PRKG1: variants seen among roughly 807,000 people sequenced by gnomAD.
The protein encoded by PRKG1 is protein kinase cGMP-dependent 1, also known as cGMP-dependent protein kinase 1.
A neutral mutation model predicts 88.1 loss-of-function variants in PRKG1; 35 were observed. The ratio of observed to expected loss-of-function variants is 0.40; its 90% CI spans 0.30 to 0.53. The LOEUF is 0.53. Ranked by LOEUF, PRKG1 falls within the 20% of genes least tolerant of loss-of-function variation. The pLI is 0.59. For missense variants in PRKG1, 540 were observed against 839.8 expected (o/e 0.64, Z 4.41); for synonymous variants, 303 against 292.5 (o/e 1.04, Z -0.37).
intron 9 of PRKG1, 39 bp from the exon 10 acceptor site, chr10:52,251,531 C>G: frequency 6.5e-7 from 1 of 1,535,366 alleles, no homozygotes; most frequent in Non-Finnish European, 9.0e-7. Flanking sequence ...GTGTTTGCAC[C>G]TCTAAGAAAT....
At chr10:51,970,050 A>ATG (rs1843671248) in intron 5 of PRKG1, among the ~76,000 whole-genome samples, 2 of 133,470 alleles carry the variant, frequency 1.5e-5, no homozygotes, top group South Asian at 4.6e-4. Context: ...ACACACACAC[A>ATG]CCCATATTTA....
At chr10:51,019,331 G>A (rs537890799) in intron 1 of PRKG1, among the ~76,000 whole-genome samples, 18 of 152,202 alleles carry the variant, frequency 1.2e-4, no homozygotes, top group South Asian at 4.2e-4. Flanking sequence ...TAGGGAGGCC[G>A]GAAATAAATA....
intron 2 of PRKG1, among the ~76,000 whole-genome samples, chr10:51,202,307 G>T (rs1837932232): frequency 6.6e-6 from 1 of 152,162 alleles, no homozygotes; most frequent in Admixed American, 6.5e-5. Context: ...AAAATGTCTA[G>T]GTGCAGTCTA....
intron 10 of PRKG1, among the ~76,000 whole-genome samples, chr10:52,257,849 A>G (rs910011835): frequency 7.2e-6 from 1 of 139,514 alleles, no homozygotes; most frequent in African/African-American, 2.5e-5. Context: ...AATAAACACT[A>G]ATTGAGCATC....
chr10:51,973,101 G>A (rs1483225395), intron 5 of PRKG1, among the ~76,000 whole-genome samples: 5 of 152,184 alleles, frequency 3.3e-5, no homozygotes, highest in African/African-American at 9.6e-5. Context: ...CCAGTCTCTA[G>A]TGACAAGCTT....
intron 2 of PRKG1, among the ~76,000 whole-genome samples, chr10:51,445,398 A>G (rs1395848300): frequency 6.8e-6 from 1 of 147,972 alleles, no homozygotes; most frequent in Non-Finnish European, 1.5e-5. Context: ...TATGTTAATA[A>G]AAGTTAGCCT....
At chr10:52,231,281 G>A (rs1441126556) in intron 9 of PRKG1, 1 of 152,116 alleles carries the variant, frequency 6.6e-6, no homozygotes, top group East Asian at 1.9e-4. Context: ...GGTGCCTGTG[G>A]TCCCAGCTAC....
rs536188324 is a variant in PRKG1, at chr10:51,986,020, G to A, written c.763-68464G>A. On this transcript the variant is annotated intron_variant, in intron 5 of 17. Transcript: ENST00000373980. Reference sequence around the variant, plus strand: ...ATTTGGCAACACAATACACTATAGGGTATTTGTCATTTACCGGTGACAGCA... The same window carrying A: ...ATTTGGCAACACAATACACTATAGGATATTTGTCATTTACCGGTGACAGCA... Among the ~76,000 whole-genome samples the A allele has an allele frequency of 8.6e-4, 131 of 152,210 alleles. 3 individuals carry two copies. The highest frequency in any genetic ancestry group is 2.6e-3 in the Admixed American group (40 of 15,298).
intron 3 of PRKG1, among the ~76,000 whole-genome samples, chr10:51,714,733 AG>A (rs1841845265): frequency 6.6e-6 from 1 of 152,196 alleles, no homozygotes; most frequent in Non-Finnish European, 1.5e-5. Flanking sequence ...CACTTGGAGC[AG>A]TAGTTTTGAA....
chr10:52,297,240 A>G lies in PRKG1; in HGVS notation c.*3340A>G, dbSNP rs1842403129. The G allele has an allele frequency of 1.3e-5, 2 of 152,138 alleles. No homozygotes were observed. Among genetic ancestry groups the G allele is most frequent in the Admixed American group, 1.3e-4 (2 of 15,250 alleles). 9.4% of individuals were successfully genotyped at this position (152,138 alleles called of 1,614,324 possible). ...GTATTGAATAATGTTTTTAGGTCCA[A>G]GTAGACTTGAATTAATGTCATAATT... On this transcript the variant is annotated 3_prime_UTR_variant, in exon 18 of 18. Coordinates refer to ENST00000373980, the MANE Select transcript of PRKG1 (RefSeq NM_006258.4).
intron 3 of PRKG1, among the ~76,000 whole-genome samples, chr10:51,639,014 C>T (rs1015571971): frequency 3.3e-5 from 5 of 152,000 alleles, no homozygotes; most frequent in Non-Finnish European, 7.4e-5. Flanking sequence ...TGTGGATTGA[C>T]CTTAAACACT....
chr10:51,699,574 T>G (rs767657145), intron 3 of PRKG1: 1 of 1,586,552 alleles, frequency 6.3e-7, no homozygotes, highest in East Asian at 2.2e-5. Context: ...AGACAGCCGA[T>G]AGCGGATTCT....
chr10:51,750,897 A>AT (rs1299659338), intron 3 of PRKG1, among the ~76,000 whole-genome samples: 1 of 152,038 alleles, frequency 6.6e-6, no homozygotes, highest in African/African-American at 2.4e-5. Flanking sequence ...AAGCAAAAAA[A>AT]AAAGTTCAAA....
intron 1 of PRKG1, among the ~76,000 whole-genome samples, chr10:51,152,835 A>G (rs1589197793): frequency 6.6e-6 from 1 of 151,972 alleles, no homozygotes; most frequent in South Asian, 2.1e-4. Flanking sequence ...ACTTTAAAGT[A>G]TGTATCCATT....
At chr10:52,258,747 C>T (rs1258852881) in intron 10 of PRKG1, among the ~76,000 whole-genome samples, 4 of 152,008 alleles carry the variant, frequency 2.6e-5, no homozygotes, top group Non-Finnish European at 4.4e-5. Context: ...ATAAGATTAA[C>T]ATATTGGAAA....
intron 3 of PRKG1, among the ~76,000 whole-genome samples, chr10:51,658,488 A>G (rs1302921906): frequency 6.6e-6 from 1 of 152,046 alleles, no homozygotes; most frequent in Non-Finnish European, 1.5e-5. Flanking sequence ...TAGCCCAACA[A>G]ACATGTCATG....
chr10:51,287,950 A>G (rs1840484005), intron 2 of PRKG1, among the ~76,000 whole-genome samples: 3 of 152,188 alleles, frequency 2.0e-5, no homozygotes, highest in African/African-American at 7.2e-5. Flanking sequence ...CTTTTATAAA[A>G]GAAATGCAGT....
chr10:51,729,676 C>A (rs565515916), intron 3 of PRKG1, among the ~76,000 whole-genome samples: 24 of 119,412 alleles, frequency 2.0e-4, no homozygotes, highest in South Asian at 1.1e-3. Context: ...AACTGCACTC[C>A]AGCCTGGGCA....
chr10:51,080,403 G>A (rs1844076836), intron 1 of PRKG1, among the ~76,000 whole-genome samples: 1 of 151,698 alleles, frequency 6.6e-6, no homozygotes, highest in Non-Finnish European at 1.5e-5. Flanking sequence ...TGTTTCTATT[G>A]TTGCTGTTTG....
Sources: allele counts gnomAD v4.1 joint callset (sites outside exome capture counted in the v4.1 genomes callset), GRCh38; gene constraint gnomAD v4.1.1; transcripts MANE v1.5; gene names NCBI Gene and HGNC (gene_info 2026-07-23, HGNC 2026-07-21).